Variants in NFIB observed in about 807,000 individuals in gnomAD.
NFIB encodes nuclear factor 1 B-type.
Under a neutral mutation model 61.5 loss-of-function variants are expected in NFIB, and 11 were observed. That is an observed-to-expected ratio of 0.18 (90% CI 0.11 to 0.30). The LOEUF is 0.30. NFIB is among the 10% of genes least tolerant of loss of function. The probability of loss-of-function intolerance (pLI) is 1.00; values close to 1 mark genes in which losing one functional copy is unlikely to be tolerated. For synonymous variants in NFIB, 260 were observed against 216.5 expected, an observed-to-expected ratio of 1.20 and a Z score of -1.76; for missense variants, 471 against 608.9, an observed-to-expected ratio of 0.77 and a Z score of 2.38.
At chr9:14,347,016 A>G (rs1005566334) in intron 1 of NFIB, among the ~76,000 whole-genome samples, 4 of 152,054 alleles carry the variant, frequency 2.6e-5, no homozygotes, top group Non-Finnish European at 4.4e-5. Context: ...AAACTAGGCC[A>G]GCGAAATCGC....
chr9:14,181,924 T>C (rs2131459186), intron 2 of NFIB, among the ~76,000 whole-genome samples: 1 of 152,296 alleles, frequency 6.6e-6, no homozygotes, highest in Middle Eastern at 3.4e-3. Context: ...GCATGAGCCT[T>C]AGCATGTTTA....
At chr9:14,518,858 T>C in the NFIB span, among the ~76,000 whole-genome samples, 1 of 152,072 alleles carries the variant, frequency 6.6e-6, no homozygotes, top group Non-Finnish European at 1.5e-5. Flanking sequence ...CTTCCCTCTC[T>C]GGATCGGAGC....
At chr9:14,443,700 G>A in the NFIB span, among the ~76,000 whole-genome samples, 1 of 151,984 alleles carries the variant, frequency 6.6e-6, no homozygotes, top group African/African-American at 2.4e-5. Flanking sequence ...TTTTGCCTGT[G>A]GTCTCACCCT....
the NFIB span, among the ~76,000 whole-genome samples, chr9:14,421,829 T>C: frequency 1.3e-5 from 2 of 152,248 alleles, no homozygotes. Flanking sequence ...TTTCATGATT[T>C]ATGATTGAGC....
At chr9:14,240,289 A>T (rs1165966018) in intron 2 of NFIB, among the ~76,000 whole-genome samples, 2 of 151,956 alleles carry the variant, frequency 1.3e-5, no homozygotes, top group African/African-American at 4.8e-5. Flanking sequence ...CTCTCAATAG[A>T]TAATATTACC....
the NFIB span, among the ~76,000 whole-genome samples, chr9:14,524,634 ATAT>A: frequency 6.6e-6 from 1 of 152,154 alleles, no homozygotes; most frequent in Admixed American, 6.6e-5. Context: ...GAGGTGGTAG[ATAT>A]TATCACTACT....
intron 2 of NFIB, among the ~76,000 whole-genome samples, chr9:14,188,204 A>G (rs2047586090): frequency 6.6e-6 from 1 of 152,224 alleles, no homozygotes; most frequent in African/African-American, 2.4e-5. Flanking sequence ...TCAAGATTGC[A>G]TAATATGTTT....
intron 10 of NFIB, chr9:14,096,643 C>T (rs757288382): frequency 2.0e-5 from 3 of 152,178 alleles, no homozygotes; most frequent in Non-Finnish European, 4.4e-5. Context: ...CAAGTTCAAT[C>T]TGGAATTACA....
At chr9:14,465,193 C>T in the NFIB span, among the ~76,000 whole-genome samples, 13 of 152,240 alleles carry the variant, frequency 8.5e-5, no homozygotes, top group East Asian at 2.5e-3. Flanking sequence ...AATTACCTTC[C>T]ACCCCCTTAT....
chr9:14,209,892 T>C (rs2050136287), intron 2 of NFIB, among the ~76,000 whole-genome samples: 4 of 152,194 alleles, frequency 2.6e-5, no homozygotes, highest in South Asian at 4.1e-4. Flanking sequence ...ATTATTTTTT[T>C]TTTTCCTAAA....
chr9:14,425,435 G>C, the NFIB span, among the ~76,000 whole-genome samples: 2 of 152,194 alleles, frequency 1.3e-5, no homozygotes, highest in East Asian at 3.9e-4. Flanking sequence ...TCCTCTACAA[G>C]ATCATGTGAG....
the NFIB span, among the ~76,000 whole-genome samples, chr9:14,448,645 G>C: frequency 6.6e-6 from 1 of 152,162 alleles, no homozygotes; most frequent in Middle Eastern, 3.2e-3. Context: ...AACAAATGGA[G>C]TGTACTGAAT....
rs1205570448 is a variant in NFIB at position 14,338,395 on chromosome 9, AAAAAAAAAAAGAAAAG to A, written c.109-30891_109-30876del. Among the ~76,000 whole-genome samples the A allele has an allele frequency of 5.6e-3, 32 of 5,678 alleles. No individual in the cohort carries two copies. In the East Asian group the frequency reaches 0.33, roughly 58 times the overall value. The allele number at this position is 5,678 out of a possible 152,430, so 3.7% of individuals were successfully genotyped here. A position where few individuals can be genotyped will look rare whatever the true frequency, so the allele number is the denominator to read the frequency against. On this transcript the variant is annotated intron_variant, in intron 1 of 8. Transcript: ENST00000380934. ...GGTGACAGAGCGAGACTCTGTCTCA[AAAAAAAAAAAGAAAAG>A]AAAAGAAAAGAAAATATGTATTTGC...
the NFIB span, among the ~76,000 whole-genome samples, chr9:14,424,541 C>T: frequency 6.6e-6 from 1 of 152,150 alleles, no homozygotes; most frequent in Non-Finnish European, 1.5e-5. Context: ...AACGACATTC[C>T]TCGGACTACC....
At chr9:14,217,687 A>C (rs2051101734) in intron 2 of NFIB, among the ~76,000 whole-genome samples, 1 of 150,888 alleles carries the variant, frequency 6.6e-6, no homozygotes. Flanking sequence ...AAAAAGACAC[A>C]AACTAAGCAA....
chr9:14,348,774 G>C (rs890561712), intron 1 of NFIB, among the ~76,000 whole-genome samples: 4 of 152,212 alleles, frequency 2.6e-5, no homozygotes, highest in African/African-American at 9.6e-5. Flanking sequence ...GCCTCTGCTC[G>C]CTCTTTGAAA....
intron 2 of NFIB, among the ~76,000 whole-genome samples, chr9:14,251,843 G>A (rs959461829): frequency 1.3e-5 from 2 of 151,512 alleles, no homozygotes; most frequent in Non-Finnish European, 3.0e-5. Flanking sequence ...CTTTTATAAA[G>A]AACAAGCTGG....
intron 2 of NFIB, among the ~76,000 whole-genome samples, chr9:14,209,322 C>T (rs970545801): frequency 4.6e-5 from 7 of 152,154 alleles, no homozygotes; most frequent in Non-Finnish European, 8.8e-5. Context: ...GGATCACAAT[C>T]GATAAGCAAA....
At chr9:14,476,418 G>A in the NFIB span, among the ~76,000 whole-genome samples, 2 of 152,162 alleles carry the variant, frequency 1.3e-5, no homozygotes, top group Non-Finnish European at 2.9e-5. Flanking sequence ...AACTTGGACA[G>A]TGATGTGAGC....
Sources: gnomAD v4.1 joint callset for allele counts (sites outside exome capture counted in the v4.1 genomes callset) on GRCh38, gnomAD v4.1.1 for gene constraint, MANE v1.5 for transcripts, NCBI Gene and HGNC (gene_info 2026-07-23, HGNC 2026-07-21) for gene names.